NYAP2: variants seen among roughly 807,000 people sequenced by gnomAD.
The protein encoded by NYAP2 is neuronal tyrosine-phosphorylated phosphoinositide-3-kinase adaptor 2.
NYAP2 carries 23 observed loss-of-function variants against 50.4 expected under a neutral mutation model. The observed-to-expected ratio is 0.46, with a 90% CI of 0.33 to 0.65. The LOEUF (loss-of-function observed/expected upper bound fraction) is 0.65. Ranked by LOEUF, NYAP2 falls within the 30% of genes least tolerant of loss-of-function variation. The pLI is 0.02. For missense variants in NYAP2, 885 were observed against 861.0 expected, an observed-to-expected ratio of 1.03 and a Z score of -0.35; for synonymous variants, 394 against 365.2, an observed-to-expected ratio of 1.08 and a Z score of -0.90.
chr2:225,649,809 A>G (rs1176418899), intron 6 of NYAP2, among the ~76,000 whole-genome samples: 7 of 152,254 alleles, frequency 4.6e-5, no homozygotes, highest in Non-Finnish European at 1.0e-4. Context: ...AATGTTGAAT[A>G]AGTGACTAAA....
chr2:225,558,584 G>A (rs553192557), intron 4 of NYAP2, among the ~76,000 whole-genome samples: 1 of 152,168 alleles, frequency 6.6e-6, no homozygotes, highest in African/African-American at 2.4e-5. Flanking sequence ...AAAGATTCCT[G>A]TGATTAGACT....
chr2:225,423,063 A>G (rs571691494), intron 3 of NYAP2, among the ~76,000 whole-genome samples: 12 of 152,162 alleles, frequency 7.9e-5, no homozygotes, highest in South Asian at 2.1e-4. Context: ...TTCTGAGCCT[A>G]TAGTGGAAGG....
At chr2:225,583,935 G>A (rs1300396032) in intron 5 of NYAP2, among the ~76,000 whole-genome samples, 3 of 152,128 alleles carry the variant, frequency 2.0e-5, no homozygotes, top group Non-Finnish European at 2.9e-5. Flanking sequence ...CCAGCTACGC[G>A]GGAGGCTGAG....
chr2:225,452,487 G>C lies in NYAP2; in HGVS notation c.221+43386G>C, dbSNP rs149049080. On this transcript the variant is annotated intron_variant, in intron 3 of 6. Coordinates refer to ENST00000636099, the Ensembl canonical transcript of NYAP2. Reference sequence around the variant, plus strand: ...CTTTGGACAGCTTTCTTGGATGGTTGTAAGTTATATCTTATGAGGATAAAA... The same window carrying C: ...CTTTGGACAGCTTTCTTGGATGGTTCTAAGTTATATCTTATGAGGATAAAA... Among the ~76,000 whole-genome samples, 416 of 152,268 alleles carry C rather than the reference G, an allele frequency of 2.7e-3. 3 individuals are homozygous for C. Among genetic ancestry groups the C allele is most frequent in the African/African-American group, 9.6e-3 (399 of 41,564 alleles).
chr2:225,620,191 C>A (rs907744810), intron 5 of NYAP2, among the ~76,000 whole-genome samples: 4 of 152,126 alleles, frequency 2.6e-5, no homozygotes, highest in African/African-American at 9.7e-5. Context: ...TAAATATGTC[C>A]TTTTCCTCTG....
intron 4 of NYAP2, among the ~76,000 whole-genome samples, chr2:225,536,703 A>G (rs1340087448): frequency 6.6e-6 from 1 of 151,964 alleles, no homozygotes; most frequent in African/African-American, 2.4e-5. Context: ...TTTTTTTTAA[A>G]TGTACTATTA....
chr2:225,665,944 A>G, the NYAP2 span, among the ~76,000 whole-genome samples: 1 of 149,782 alleles, frequency 6.7e-6, no homozygotes, highest in African/African-American at 2.5e-5. Flanking sequence ...CCTCTCAGCT[A>G]TTCCCAGGGG....
At chr2:225,520,680 G>A (rs1399593679) in intron 4 of NYAP2, among the ~76,000 whole-genome samples, 3 of 152,172 alleles carry the variant, frequency 2.0e-5, no homozygotes, top group African/African-American at 4.8e-5. Flanking sequence ...CTGTAGCCTT[G>A]TAGTATAGTT....
intron 4 of NYAP2, among the ~76,000 whole-genome samples, chr2:225,581,725 T>C (rs1692272579): frequency 6.6e-6 from 1 of 152,336 alleles, no homozygotes; most frequent in Non-Finnish European, 1.5e-5. Flanking sequence ...GTTAGATTAT[T>C]AATATCAGTT....
chr2:225,651,878 T>G, exon 7 of NYAP2: 1 of 238,194 alleles, frequency 4.2e-6, no homozygotes, highest in Non-Finnish European at 8.1e-6. Context: ...CTCTTTCATG[T>G]TTTGTGTACT....
intron 3 of NYAP2, among the ~76,000 whole-genome samples, chr2:225,464,897 T>A (rs1447341560): frequency 6.6e-6 from 1 of 152,198 alleles, no homozygotes; most frequent in African/African-American, 2.4e-5. Context: ...CGTTTTCCTC[T>A]TTCCTCTGAA....
chr2:225,534,874 G>C (rs779426421), intron 4 of NYAP2, among the ~76,000 whole-genome samples: 3 of 152,236 alleles, frequency 2.0e-5, no homozygotes, highest in African/African-American at 4.8e-5. Flanking sequence ...CCAGGGCTAA[G>C]ATCCAGACCT....
chr2:225,417,787 A>T (rs1040894506), intron 3 of NYAP2, among the ~76,000 whole-genome samples: 3 of 152,184 alleles, frequency 2.0e-5, no homozygotes, highest in Non-Finnish European at 4.4e-5. Flanking sequence ...TTGCATAGCT[A>T]TTTTGTTTCC....
chr2:225,429,988 T>C (rs1337540207), intron 3 of NYAP2, among the ~76,000 whole-genome samples: 1 of 152,232 alleles, frequency 6.6e-6, no homozygotes, highest in African/African-American at 2.4e-5. Flanking sequence ...TCAGGGCCTT[T>C]GCCAGGAAAA....
chr2:225,613,105 G>C (rs1047724902), intron 5 of NYAP2, among the ~76,000 whole-genome samples: 1 of 152,140 alleles, frequency 6.6e-6, no homozygotes, highest in Non-Finnish European at 1.5e-5. Context: ...CGATAGGCTG[G>C]CTGCAAGCTG....
intron 3 of NYAP2, among the ~76,000 whole-genome samples, chr2:225,505,878 C>G (rs1396296277): frequency 1.3e-5 from 2 of 152,134 alleles, no homozygotes; most frequent in Admixed American, 6.5e-5. Flanking sequence ...TATTTTCATT[C>G]ACAATGGGAA....
At chr2:225,548,941 G>A (rs181124581) in intron 4 of NYAP2, among the ~76,000 whole-genome samples, 88 of 151,134 alleles carry the variant, frequency 5.8e-4, no homozygotes, top group African/African-American at 2.1e-3. Flanking sequence ...GAGTGCAATG[G>A]CATGATCTCA....
chr2:225,554,314 C>T (rs2106211720), intron 4 of NYAP2, among the ~76,000 whole-genome samples: 1 of 145,030 alleles, frequency 6.9e-6, no homozygotes, highest in South Asian at 2.2e-4. Flanking sequence ...CATCAGAAAA[C>T]ATTTATCTTT....
chr2:225,402,126 G>A (rs1167269977), intron 2 of NYAP2, among the ~76,000 whole-genome samples: 1 of 152,092 alleles, frequency 6.6e-6, no homozygotes, highest in East Asian at 1.9e-4. Context: ...AGCCAACTCA[G>A]CAAAGAAAGG....
Sources: allele counts gnomAD v4.1 joint callset (sites outside exome capture counted in the v4.1 genomes callset), GRCh38; gene constraint gnomAD v4.1.1; transcripts MANE v1.5; gene names NCBI Gene and HGNC (gene_info 2026-07-23, HGNC 2026-07-21).